Variants in FBN1 observed in about 807,000 individuals in gnomAD.
The protein encoded by FBN1 is fibrillin-1.
FBN1 carries 29 observed loss-of-function variants against 365.1 expected under a neutral mutation model. The observed-to-expected ratio is 0.08, with a 90% CI of 0.06 to 0.11. FBN1 has a LOEUF of 0.11. Among genes scored for constraint, FBN1 ranks in the 10% least tolerant of loss-of-function variants. FBN1 has a pLI of 1.00. For synonymous variants in FBN1, 1,210 were observed against 1,270.5 expected, an observed-to-expected ratio of 0.95 and a Z score of 1.01; for missense variants, 2,476 against 3,703.2, an observed-to-expected ratio of 0.67 and a Z score of 8.60.
intron 6 of FBN1, among the ~76,000 whole-genome samples, chr15:48,594,804 A>G (rs1339706716): frequency 6.6e-6 from 1 of 152,318 alleles, no homozygotes. Context: ...AAAACAAATT[A>G]TGCCCAGCAT....
intron 6 of FBN1, among the ~76,000 whole-genome samples, chr15:48,586,483 G>C (rs2044435827): frequency 6.6e-6 from 1 of 152,198 alleles, no homozygotes; most frequent in Non-Finnish European, 1.5e-5. Context: ...CCTAGTTCTA[G>C]AAGTAGTACC....
chr15:48,585,618 TAG>T (rs2044429755), intron 6 of FBN1, among the ~76,000 whole-genome samples: 2 of 152,358 alleles, frequency 1.3e-5, no homozygotes, highest in South Asian at 4.1e-4. Flanking sequence ...AAATATTTAA[TAG>T]ATACCTACTC....
intron 15 of FBN1, among the ~76,000 whole-genome samples, chr15:48,507,525 G>A (rs2043720414): frequency 6.6e-6 from 1 of 152,166 alleles, no homozygotes; most frequent in Non-Finnish European, 1.5e-5. Context: ...CCATTGATGT[G>A]AAGGTCATAG....
chr15:48,458,536 C>T (rs1453680106), intron 43 of FBN1, among the ~76,000 whole-genome samples: 1 of 152,116 alleles, frequency 6.6e-6, no homozygotes, highest in African/African-American at 2.4e-5. Context: ...AATTCAGATG[C>T]CATTCATTCA....
At chr15:48,427,891 G>A (rs1048280003) in intron 57 of FBN1, 118 bp from the exon 58 acceptor site, 5 of 861,314 alleles carry the variant, frequency 5.8e-6, no homozygotes, top group Non-Finnish European at 9.6e-6. Flanking sequence ...CCCTGGGTGA[G>A]AAGAAGCAAG....
intron 63 of FBN1, 108 bp downstream of exon 63, chr15:48,420,579 G>T: frequency 1.4e-6 from 2 of 1,437,784 alleles, no homozygotes; most frequent in Non-Finnish European, 1.9e-6. Context: ...AATTTTAAAT[G>T]AGTATTTGTT....
Position 48,513,566 on chromosome 15 carries a change from G to C in FBN1, c.1571C>G (p.Thr524Arg), listed in dbSNP as rs370575495. The change falls in exon 13 of 66, where the codon ACG (threonine) becomes AGG (arginine). Residue 524 changes from threonine to arginine, a missense_variant. This residue lies in a region of FBN1 where 1,780 missense variants were observed against 2,840.8 expected (regional missense o/e 0.63). Transcript: ENST00000316623. ...GACCATACCTCGGCATTCTGTCCGC[G>C]TGAGTGTGCTCTGATATCCAGCTCG... The part of the protein sequence containing the change: ...QCRAGYQSTL[T>R]RTECRDIDEC... 6.2e-7 allele frequency: 1 copy of C among 1,613,958 alleles called. No individual in the cohort carries two copies. The highest frequency in any genetic ancestry group is 8.5e-7 in the Non-Finnish European group (1 of 1,179,906).
At position 48,644,877 on chromosome 15, in the gene FBN1, C is replaced by T. The variant is rs1029606067; in HGVS notation, c.-108G>A. The T allele has an allele frequency of 5.3e-5, 60 of 1,125,432 alleles. No homozygotes were observed. In the East Asian group the frequency reaches 2.1e-3, roughly 40 times the overall value. 69.7% of individuals were successfully genotyped at this position (1,125,432 alleles called of 1,614,324 possible). On this transcript the variant is annotated 5_prime_UTR_variant, in exon 2 of 66. Transcript: ENST00000316623. Reference sequence around the variant, plus strand: ...CCGCGCCGCCGGGGTCCCGCTATCCCGCCGCCCGTCCCCCGGGCCGGGCTC... The same window carrying T: ...CCGCGCCGCCGGGGTCCCGCTATCCTGCCGCCCGTCCCCCGGGCCGGGCTC...
chr15:48,483,428 T>C (rs1340279000), intron 31 of FBN1, among the ~76,000 whole-genome samples: 7 of 152,210 alleles, frequency 4.6e-5, no homozygotes, highest in Non-Finnish European at 1.0e-4. Flanking sequence ...ATAGAAACTA[T>C]ACAAAACAAA....
chr15:48,518,201 A>G (rs1431231005), intron 10 of FBN1, among the ~76,000 whole-genome samples: 1 of 152,158 alleles, frequency 6.6e-6, no homozygotes, highest in Non-Finnish European at 1.5e-5. Context: ...TTGTCAACCA[A>G]CAGTGATTCT....
chr15:48,604,239 C>T (rs935721015), intron 4 of FBN1, among the ~76,000 whole-genome samples: 1 of 152,178 alleles, frequency 6.6e-6, no homozygotes. Context: ...GACCTGCCAT[C>T]ATCTTGGCAG....
intron 45 of FBN1, among the ~76,000 whole-genome samples, chr15:48,450,571 C>T (rs999702383): frequency 1.3e-5 from 2 of 152,148 alleles, no homozygotes; most frequent in Non-Finnish European, 2.9e-5. Context: ...GAGGAAACCA[C>T]AAGGAAGTAG....
chr15:48,527,091 G>T (rs1320318997), intron 8 of FBN1, among the ~76,000 whole-genome samples: 1 of 152,192 alleles, frequency 6.6e-6, no homozygotes, highest in Non-Finnish European at 1.5e-5. Context: ...GGAGGCTGTT[G>T]ATGGGCTGCA....
At chr15:48,534,908 A>G (rs1020057480) in intron 7 of FBN1, among the ~76,000 whole-genome samples, 8 of 152,152 alleles carry the variant, frequency 5.3e-5, no homozygotes, top group African/African-American at 1.9e-4. Context: ...TGTCAGTGAG[A>G]TCATGTCTTT....
At chr15:48,600,103 TAAC>T (rs1222935144) in intron 5 of FBN1, 33 bp downstream of exon 5, 1 of 1,436,194 alleles carries the variant, frequency 7.0e-7, no homozygotes, top group Non-Finnish European at 9.8e-7. Flanking sequence ...ACAAACAGGT[TAAC>T]ATCTAGAATA....
At chr15:48,469,672 C>T (rs1177462612) in intron 36 of FBN1, among the ~76,000 whole-genome samples, 1 of 152,032 alleles carries the variant, frequency 6.6e-6, no homozygotes, top group African/African-American at 2.4e-5. Flanking sequence ...GTTCAAATTG[C>T]ATGTGAATTT....
intron 49 of FBN1, 45 bp downstream of exon 49, chr15:48,444,496 G>A: frequency 6.2e-7 from 1 of 1,610,420 alleles, no homozygotes. Context: ...TAAGTCCAGT[G>A]GACACCCGAC....
intron 2 of FBN1, among the ~76,000 whole-genome samples, chr15:48,623,181 A>G (rs1472585625): frequency 6.6e-6 from 1 of 152,234 alleles, no homozygotes; most frequent in Non-Finnish European, 1.5e-5. Context: ...GTGAGTACGA[A>G]GTACAATTAG....
chr15:48,568,049 G>GAAAGAAAGAAAGAAAGAAAGAAGGAAGA (rs369157930), intron 6 of FBN1, among the ~76,000 whole-genome samples: 1 of 40,132 alleles, frequency 2.5e-5, no homozygotes, highest in Non-Finnish European at 4.6e-5. Flanking sequence ...AAGAAAGAAA[G>GAAAGAAAGAAAGAAAGAAAGAAGGAAGA]AAGAAAGAAA....
Sources: allele counts gnomAD v4.1 joint callset (sites outside exome capture counted in the v4.1 genomes callset), GRCh38; gene constraint gnomAD v4.1.1; regional missense constraint gnomAD v4.1.1; transcripts MANE v1.5; gene names NCBI Gene and HGNC (gene_info 2026-07-23, HGNC 2026-07-21).